VPS13A: variants seen among roughly 807,000 people sequenced by gnomAD.
VPS13A encodes the protein intermembrane lipid transfer protein VPS13A.
VPS13A carries 264 observed loss-of-function variants against 390.9 expected under a neutral mutation model. The observed-to-expected ratio is 0.68, with a 90% CI of 0.61 to 0.75. The LOEUF (loss-of-function observed/expected upper bound fraction) is 0.75, where lower values mean the gene tolerates loss of function less well. Among genes scored for constraint, VPS13A ranks in the 30% least tolerant of loss-of-function variants. The probability of loss-of-function intolerance (pLI) is 0.00; values close to 1 mark genes in which losing one functional copy is unlikely to be tolerated. For synonymous variants in VPS13A, 1,231 were observed against 1,227.1 expected (o/e 1.00, Z -0.07); for missense variants, 3,409 against 3,733.9 (o/e 0.91, Z 2.27).
chr9:77,286,352 A>G (rs866540194), intron 31 of VPS13A, among the ~76,000 whole-genome samples: 5 of 152,294 alleles, frequency 3.3e-5, no homozygotes, highest in Middle Eastern at 3.4e-3. Context: ...GTCTGGAGGC[A>G]GTAGGGACGT....
At position 77,209,434 on chromosome 9, in the gene VPS13A, C is replaced by T. The variant is rs1352462998; in HGVS notation, c.397C>T (p.Pro133Ser). The T allele has an allele frequency of 1.2e-6, 2 of 1,610,734 alleles. No homozygotes were observed. Among genetic ancestry groups the T allele is most frequent in the Admixed American group, 3.3e-5 (2 of 59,926 alleles). ...QKVVDQEQHL[P>S]EKQDTFAEKL... ...ATTTGCAATTGTAGAACAACATCTG[C>T]CGGAAAAACAGGACACTTTTGCAGA... is the stretch of plus-strand genomic sequence containing the variant. Residue 133 changes from proline to serine, a missense_variant, in exon 6 of 72, where the codon CCG becomes TCG. Around this residue, in one of 5 missense-constraint regions of VPS13A, gnomAD observed 2,717 missense variants for 2,917.4 expected, o/e 0.93. Transcript: ENST00000360280.
At chr9:77,200,289 C>T (rs1825251222) in intron 2 of VPS13A, among the ~76,000 whole-genome samples, 1 of 152,094 alleles carries the variant, frequency 6.6e-6, no homozygotes, top group Non-Finnish European at 1.5e-5. Context: ...TAGTTCGAGA[C>T]TAGCCTGGCC....
chr9:77,346,677 C>T (rs1013485601), intron 52 of VPS13A, among the ~76,000 whole-genome samples: 3 of 152,148 alleles, frequency 2.0e-5, no homozygotes, highest in Admixed American at 6.5e-5. Context: ...AGTCTTTGAT[C>T]GATCTTGAGT....
intron 68 of VPS13A, among the ~76,000 whole-genome samples, chr9:77,396,158 G>C (rs901378383): frequency 6.6e-6 from 1 of 152,146 alleles, no homozygotes; most frequent in Middle Eastern, 3.2e-3. Context: ...TTGATGGTCT[G>C]CTGTTGTCAG....
At chr9:77,344,940 T>G in intron 51 of VPS13A, 69 bp from the exon 52 acceptor site, 1 of 1,539,190 alleles carries the variant, frequency 6.5e-7, no homozygotes. Context: ...TAGTCTGTTC[T>G]TAAATGTTAT....
rs535921865 is a variant in VPS13A, at chr9:77,282,421, C to G, written c.3118+147C>G. ...AATATCTAGAAGGATTCATTATATG[C>G]CAGGATAATTTTAGAAAATAAAGGA... On this transcript the variant is annotated intron_variant, in intron 29 of 71. Transcript: ENST00000360280. 2.7e-4 allele frequency: 201 copies of G among 732,912 alleles called. No individual in the cohort carries two copies. The African/African-American group carries it at 3.5e-3, about 13-fold the overall frequency. The allele number at this position is 732,912 out of a possible 1,614,324, so 45.4% of individuals were successfully genotyped here. A position where few individuals can be genotyped will look rare whatever the true frequency, so the allele number is the denominator to read the frequency against.
chr9:77,266,392 G>C (rs1826037691), intron 23 of VPS13A, among the ~76,000 whole-genome samples: 1 of 152,098 alleles, frequency 6.6e-6, no homozygotes, highest in Non-Finnish European at 1.5e-5. Context: ...TGACAGTGGG[G>C]TGTTAAAGTC....
intron 46 of VPS13A, 117 bp from the exon 47 acceptor site, chr9:77,337,137 TA>T: frequency 9.3e-7 from 1 of 1,078,740 alleles, no homozygotes; most frequent in Non-Finnish European, 1.3e-6. Flanking sequence ...TATGAAAATA[TA>T]AAAATGTACT....
intron 26 of VPS13A, among the ~76,000 whole-genome samples, chr9:77,276,742 C>A (rs563134696): frequency 6.6e-6 from 1 of 152,290 alleles, no homozygotes; most frequent in South Asian, 2.1e-4. Context: ...CGGATGGCTG[C>A]CCTTAGGCCT....
chr9:77,253,936 CTTTTT>C (rs1172781069), intron 22 of VPS13A, among the ~76,000 whole-genome samples: 7 of 55,062 alleles, frequency 1.3e-4, no homozygotes, highest in Admixed American at 2.2e-4. Flanking sequence ...GGCCTTTATT[CTTTTT>C]TTTTTTTTTT....
chr9:77,390,061 T>C (rs1250749082), intron 68 of VPS13A: 3 of 985,412 alleles, frequency 3.0e-6, no homozygotes, highest in Non-Finnish European at 3.6e-6. Context: ...GAATGACTAC[T>C]AATCTGGAAG....
rs1332670885 is a variant in VPS13A, at chr9:77,345,222, AGAG to A, written c.7289+81_7289+83del. On this transcript the variant is annotated intron_variant, in intron 52 of 71. Coordinates refer to ENST00000360280, the MANE Select transcript of VPS13A (RefSeq NM_033305.3). Reference sequence around the variant, plus strand: ...CACAGTTTTTTTTGATAATTTCTTAAGAGTATAAACACTGATAATAGCATTGTA... The same window carrying A: ...CACAGTTTTTTTTGATAATTTCTTAATATAAACACTGATAATAGCATTGTA... 3 of 1,473,952 alleles carry A rather than the reference AGAG, an allele frequency of 2.0e-6. No homozygotes were observed. The African/African-American group carries it at 4.2e-5, about 20-fold the overall frequency. The allele number at this position is 1,473,952 out of a possible 1,614,324, so 91.3% of individuals were successfully genotyped here.
chr9:77,178,127 G>T (rs1823760558), intron 1 of VPS13A: 1 of 336,072 alleles, frequency 3.0e-6, no homozygotes, highest in African/African-American at 2.2e-5. Context: ...TCTACCCCTG[G>T]CCCCGCACGG....
chr9:77,264,008 T>TC (rs896802785), intron 23 of VPS13A, among the ~76,000 whole-genome samples: 1 of 152,026 alleles, frequency 6.6e-6, no homozygotes, highest in Non-Finnish European at 1.5e-5. Context: ...AGGGAATCTT[T>TC]CCCCCATTGC....
chr9:77,356,774 A>G lies in VPS13A; in HGVS notation c.7713A>G (p.Val2571=), dbSNP rs143476850. The G allele has an allele frequency of 6.2e-7, 1 of 1,613,780 alleles. No homozygotes were observed. The highest frequency in any genetic ancestry group is 1.3e-5 in the African/African-American group (1 of 74,940). The change falls in exon 55 of 72, where the codon GTA becomes GTG. Residue 2571 remains valine, a synonymous_variant. Transcript: ENST00000360280. Reference sequence around the variant, plus strand: ...AGGCAAGATGGAAGCCAATGAGTGTAAAGCACACTGAGAAGTTAGAGAGAG... The same window carrying G: ...AGGCAAGATGGAAGCCAATGAGTGTGAAGCACACTGAGAAGTTAGAGAGAG... The part of the protein sequence containing the change: ...KKKARWKPMS[V]KHTEKLEREF...
intron 1 of VPS13A, among the ~76,000 whole-genome samples, chr9:77,192,728 C>A (rs1346490218): frequency 3.9e-5 from 6 of 152,086 alleles, no homozygotes; most frequent in Non-Finnish European, 4.4e-5. Context: ...TGATGGGATT[C>A]CCTTTGTAGT....
intron 67 of VPS13A, among the ~76,000 whole-genome samples, chr9:77,380,382 G>A (rs191582483): frequency 2.6e-5 from 4 of 151,630 alleles, no homozygotes; most frequent in South Asian, 2.1e-4. Flanking sequence ...GCATGATCTC[G>A]GCTCACTGCA....
At chr9:77,362,687 CTG>C (rs1044499967) in intron 59 of VPS13A, among the ~76,000 whole-genome samples, 1 of 152,170 alleles carries the variant, frequency 6.6e-6, no homozygotes, top group African/African-American at 2.4e-5. Context: ...TGCATTGAAT[CTG>C]TAAATCAATT....
intron 68 of VPS13A, among the ~76,000 whole-genome samples, chr9:77,402,807 A>G (rs922836067): frequency 5.9e-5 from 9 of 152,304 alleles, no homozygotes; most frequent in African/African-American, 2.2e-4. Flanking sequence ...TATTTGTTAC[A>G]TACGAAATTT....
Sources: gnomAD v4.1 joint callset for allele counts (sites outside exome capture counted in the v4.1 genomes callset) on GRCh38, gnomAD v4.1.1 for gene constraint, gnomAD v4.1.1 regional missense constraint, MANE v1.5 for transcripts, NCBI Gene and HGNC (gene_info 2026-07-23, HGNC 2026-07-21) for gene names.